The following PADI4 variants were observed in gnomAD, a reference collection of about 807,000 sequenced individuals.
PADI4 encodes peptidyl arginine deiminase 4.
PADI4 carries 62 observed loss-of-function variants against 75.0 expected under a neutral mutation model. That is an observed-to-expected ratio of 0.83 (90% CI 0.67 to 1.02). The LOEUF is 1.02. PADI4 is among the 50% of genes least tolerant of loss of function. PADI4 has a pLI of 0.00. For missense variants in PADI4, 845 were observed against 850.5 expected (o/e 0.99, Z 0.08); for synonymous variants, 361 against 348.1 (o/e 1.04, Z -0.41).
chr1:17,313,594 T>C (rs2073882181), intron 1 of PADI4, among the ~76,000 whole-genome samples: 1 of 151,450 alleles, frequency 6.6e-6, no homozygotes, highest in Non-Finnish European at 1.5e-5. Flanking sequence ...ACCCAGTTCC[T>C]AGCTTGACTT....
In PADI4 at chr1:17,331,104, G is replaced by A; in HGVS notation, c.228G>A (p.Val76=). The change falls in exon 2 of 16, where the codon GTG becomes GTA. Residue 76 remains valine, a synonymous_variant. Transcript: ENST00000375448. The part of the protein sequence containing the change: ...STWPLDPGVE[V]TLTMKVASGS... ...GGCCCCTGGACCCTGGGGTAGAGGT[G>A]ACCCTGACGATGAAAGTGGCCAGTG... 2 of 1,612,298 alleles carry A rather than the reference G, an allele frequency of 1.2e-6. No homozygotes were observed. Among genetic ancestry groups the A allele is most frequent in the Non-Finnish European group, 1.7e-6 (2 of 1,179,242 alleles).
At position 17,363,712 on chromosome 1, in the gene PADI4, G is replaced by C. The variant is rs200090088; in HGVS notation, c.1949G>C (p.Arg650Pro). 1.2e-6 allele frequency: 2 copies of C among 1,614,146 alleles called. No individual in the cohort carries two copies. ...HGEVHCGTNVRRKPFSFKWWN... is the reference protein window; with the variant it reads ...HGEVHCGTNVPRKPFSFKWWN... ...GAGGTGCACTGCGGCACCAACGTGCGCAGAAAGCCCTTCTCCTTCAAGTGG... is the reference window on the plus strand; with the variant it reads ...GAGGTGCACTGCGGCACCAACGTGCCCAGAAAGCCCTTCTCCTTCAAGTGG... The change falls in exon 16 of 16, where the codon CGC becomes CCC. Residue 650 changes from arginine (R) to proline (P), a missense_variant. By Grantham distance (103) the Arg-to-Pro change is moderately radical. Coordinates refer to ENST00000375448, the MANE Select transcript of PADI4 (RefSeq NM_012387.3).
chr1:17,317,065 C>T lies in PADI4; in HGVS notation c.92+8751C>T, dbSNP rs1281919239. On this transcript the variant is annotated intron_variant, in intron 1 of 15. Transcript: ENST00000375448. ...AGTTTCTTCATTTGTAGAAGGGGAA[C>T]TCCAATAGTACGTATGTCGCAGAGT... Among the ~76,000 whole-genome samples the T allele has an allele frequency of 2.6e-5, 4 of 152,180 alleles. No individual in the cohort carries two copies. The East Asian group carries it at 7.7e-4, about 29-fold the overall frequency.
At chr1:17,329,370 A>G (rs2074170183) in intron 1 of PADI4, among the ~76,000 whole-genome samples, 1 of 152,086 alleles carries the variant, frequency 6.6e-6, no homozygotes, top group African/African-American at 2.4e-5. Flanking sequence ...TGACTCTCCA[A>G]AACTTAACTA....
chr1:17,328,314 G>A (rs886584566), intron 1 of PADI4, among the ~76,000 whole-genome samples: 2 of 151,288 alleles, frequency 1.3e-5, no homozygotes, highest in African/African-American at 4.9e-5. Context: ...ATGAGCCACC[G>A]TGCTCGGCCA....
chr1:17,333,980 T>A lies in PADI4; in HGVS notation c.311T>A (p.Val104Asp). 1 of 1,612,994 alleles carries A rather than the reference T, an allele frequency of 6.2e-7. No homozygotes were observed. Among genetic ancestry groups the A allele is most frequent in the Non-Finnish European group, 8.5e-7 (1 of 1,179,046 alleles). The part of the protein sequence containing the change: ...ISYYGPKTPP[V>D]KALLYLTGVE... ...TACTACGGACCCAAGACTCCACCAG[T>A]CAAAGCTCTACTCTACCTCACCGGG... The change falls in exon 3 of 16, where the codon GTC becomes GAC. Residue 104 changes from valine to aspartate, a missense_variant. Physicochemically the swap from Val to Asp is radical, Grantham distance 152. Coordinates refer to ENST00000375448, the MANE Select transcript of PADI4 (RefSeq NM_012387.3).
chr1:17,359,463 C>A, intron 15 of PADI4, 55 bp downstream of exon 15: 2 of 1,609,872 alleles, frequency 1.2e-6, no homozygotes, highest in South Asian at 1.1e-5. Flanking sequence ...TAGCTCAGCC[C>A]GAGAGGCCAG....
chr1:17,332,137 C>T (rs2074224807), intron 2 of PADI4, among the ~76,000 whole-genome samples: 2 of 152,164 alleles, frequency 1.3e-5, no homozygotes, highest in South Asian at 2.1e-4. Context: ...CATGGTCGCA[C>T]TGCCTCTGCC....
intron 15 of PADI4, among the ~76,000 whole-genome samples, chr1:17,360,458 T>C (rs940325067): frequency 6.6e-6 from 1 of 152,208 alleles, no homozygotes; most frequent in Non-Finnish European, 1.5e-5. Flanking sequence ...CCTGTTAGCA[T>C]GGTGCCTTTT....
intron 8 of PADI4, among the ~76,000 whole-genome samples, chr1:17,344,437 C>T (rs1012683985): frequency 5.3e-5 from 8 of 152,186 alleles, no homozygotes; most frequent in Admixed American, 5.2e-4. Flanking sequence ...GCATAAGTAA[C>T]AAGGAGATTA....
In PADI4 at chr1:17,348,065, G is replaced by C; in HGVS notation, c.1155+17G>C. ...CGCGTGATGGTACCTGCATGGGGTG[G>C]GGAGGGGGCACAGCTGCCGAAACCC... is the stretch of plus-strand genomic sequence containing the variant. On this transcript the variant is annotated intron_variant, in intron 10 of 15. Coordinates refer to ENST00000375448, the MANE Select transcript of PADI4 (RefSeq NM_012387.3). 6.7e-7 allele frequency: 1 copy of C among 1,496,886 alleles called. No individual in the cohort carries two copies. Among genetic ancestry groups the C allele is most frequent in the Non-Finnish European group, 9.3e-7 (1 of 1,073,924 alleles). 92.7% of individuals were successfully genotyped at this position (1,496,886 alleles called of 1,614,324 possible).
chr1:17,308,198 G>A lies in PADI4; in HGVS notation c.-25G>A, dbSNP rs1334417904. ...GGAACCAGCCCAGGGGCTTCCTACA[G>A]CCAGAGGGACGAGCTAGCCCGACGA... On this transcript the variant is annotated 5_prime_UTR_variant, in exon 1 of 16. Transcript: ENST00000375448. The A allele has an allele frequency of 1.0e-5, 16 of 1,606,828 alleles. No individual in the cohort carries two copies. Among genetic ancestry groups the A allele is most frequent in the African/African-American group, 1.3e-5 (1 of 74,760 alleles).
At chr1:17,342,526 G>A (rs1009082168) in intron 8 of PADI4, 124 bp downstream of exon 8, 2 of 642,438 alleles carry the variant, frequency 3.1e-6, no homozygotes, top group Middle Eastern at 3.1e-4. Flanking sequence ...CTTGCTGCTT[G>A]TTGGGGGCTC....
In PADI4 at chr1:17,363,588, C is replaced by T. The variant is rs142092052; in HGVS notation, c.1825C>T (p.Arg609Cys). Residue 609 changes from arginine to cysteine, a missense_variant, in exon 16 of 16, where the codon CGC becomes TGC. By Grantham distance (180) the Arg-to-Cys change is radical (BLOSUM62 -3). Transcript: ENST00000375448. ...PKPFGPVINGRCCLEEKVCSL... is the reference protein window; with the variant it reads ...PKPFGPVINGCCCLEEKVCSL... ...GCCCTTCGGGCCCGTCATCAACGGC[C>T]GCTGCTGCCTGGAGGAGAAGGTGTG... 1.9e-3 allele frequency: 3,143 copies of T among 1,614,118 alleles called. 8 individuals carry two copies. The highest frequency in any genetic ancestry group is 2.3e-3 in the Admixed American group (141 of 60,024).
At chr1:17,337,409 G>A (rs1188183897) in intron 4 of PADI4, among the ~76,000 whole-genome samples, 1 of 152,116 alleles carries the variant, frequency 6.6e-6, no homozygotes, top group East Asian at 1.9e-4. Context: ...GCCTCCCAAA[G>A]TGCTGGGATT....
rs1014590725 is a variant in PADI4, at chr1:17,348,315, C to T, written c.1155+267C>T. The T allele has an allele frequency of 1.5e-5, 5 of 332,294 alleles. No individual in the cohort carries two copies. The East Asian group carries it at 3.0e-4, about 20-fold the overall frequency. 20.6% of individuals were successfully genotyped at this position (332,294 alleles called of 1,614,324 possible). A position where few individuals can be genotyped will look rare whatever the true frequency, so the allele number is the denominator to read the frequency against. The stretch of plus-strand genomic sequence containing the variant: ...AACCCTGCCGAGGAGGTGGCTCAGG[C>T]TTGGACCTCCCTGTGCTCTTGAAGA... On this transcript the variant is annotated intron_variant, in intron 10 of 15. Transcript: ENST00000375448.
At chr1:17,327,467 T>C (rs924959128) in intron 1 of PADI4, among the ~76,000 whole-genome samples, 5 of 152,180 alleles carry the variant, frequency 3.3e-5, no homozygotes, top group African/African-American at 1.2e-4. Context: ...AATCAGTATA[T>C]TACTGGATTT....
intron 15 of PADI4, among the ~76,000 whole-genome samples, chr1:17,362,172 G>A (rs1163924736): frequency 6.6e-6 from 1 of 152,022 alleles, no homozygotes; most frequent in African/African-American, 2.4e-5. Context: ...GAGTCCAGGA[G>A]TTCAAGACCA....
At chr1:17,325,489 CT>C (rs2074103451) in intron 1 of PADI4, among the ~76,000 whole-genome samples, 1 of 151,916 alleles carries the variant, frequency 6.6e-6, no homozygotes, top group Non-Finnish European at 1.5e-5. Context: ...TATTAGTCAC[CT>C]TATTAAACTT....
Sources: gnomAD v4.1 joint callset for allele counts (sites outside exome capture counted in the v4.1 genomes callset) on GRCh38, gnomAD v4.1.1 for gene constraint, MANE v1.5 for transcripts, NCBI Gene and HGNC (gene_info 2026-07-23, HGNC 2026-07-21) for gene names.